TNC: variants seen among roughly 807,000 people sequenced by gnomAD.
TNC encodes the protein tenascin.
A neutral mutation model predicts 202.4 loss-of-function variants in TNC; 109 were observed. The ratio of observed to expected loss-of-function variants is 0.54; its 90% CI spans 0.46 to 0.63. The LOEUF (loss-of-function observed/expected upper bound fraction) is 0.63. TNC is among the 30% of genes least tolerant of loss of function. The probability of loss-of-function intolerance (pLI) is 0.00; values close to 1 mark genes in which losing one functional copy is unlikely to be tolerated. For missense variants in TNC, 2,756 were observed against 2,833.3 expected, an observed-to-expected ratio of 0.97 and a Z score of 0.62; for synonymous variants, 1,007 against 1,089.7, an observed-to-expected ratio of 0.92 and a Z score of 1.50.
At chr9:115,054,751 G>A (rs1172143344) in intron 15 of TNC, among the ~76,000 whole-genome samples, 1 of 152,178 alleles carries the variant, frequency 6.6e-6, no homozygotes, top group African/African-American at 2.4e-5. Flanking sequence ...CATGCTAGCT[G>A]CTTCCAGGAA....
Position 115,086,977 on chromosome 9 carries a change from A to T in TNC, c.754T>A (p.Cys252Ser). ...YAGADCSREICPVPCSEEHGT... is the reference protein window; with the variant it reads ...YAGADCSREISPVPCSEEHGT... ...TGCTCCTCACTGCAGGGCACTGGGC[A>T]GATTTCACGGCTGCAGTCAGCCCCG... Residue 252 changes from cysteine to serine, a missense_variant, in exon 3 of 28, where the codon TGC (cysteine) becomes AGC (serine). Transcript: ENST00000350763. 1 of 1,614,246 alleles carries T rather than the reference A, an allele frequency of 6.2e-7. No individual in the cohort carries two copies. The highest frequency in any genetic ancestry group is 8.5e-7 in the Non-Finnish European group (1 of 1,180,048).
rs753444558 is a variant in TNC at position 115,081,771 on chromosome 9, C to T, written c.2404+1G>A. 10 of 1,613,916 alleles carry T rather than the reference C, an allele frequency of 6.2e-6. No individual in the cohort carries two copies. Among genetic ancestry groups the T allele is most frequent in the East Asian group, 2.2e-5 (1 of 44,886 alleles). On this transcript the variant is annotated splice_donor_variant, in intron 6 of 27. Coordinates refer to ENST00000350763, the MANE Select transcript of TNC (RefSeq NM_002160.4). LOFTEE classifies it high-confidence loss of function. ...CTATAAGTATTAAAGGTGATACTCA[C>T]GTGTGGTGGTCACCCTCTTCAGGCC...
At chr9:115,047,021 GCTCT>G (rs1366003811) in intron 16 of TNC, among the ~76,000 whole-genome samples, 2 of 152,072 alleles carry the variant, frequency 1.3e-5, no homozygotes, top group African/African-American at 4.8e-5. Flanking sequence ...GTTTACATTT[GCTCT>G]CTGTCTTCCA....
intron 10 of TNC, among the ~76,000 whole-genome samples, chr9:115,068,996 C>T (rs1263807497): frequency 1.3e-5 from 2 of 152,212 alleles, no homozygotes; most frequent in Admixed American, 1.3e-4. Context: ...TCTCTTATAG[C>T]AACGTGCACC....
At chr9:115,068,811 C>T (rs191759511) in intron 10 of TNC, among the ~76,000 whole-genome samples, 1 of 152,144 alleles carries the variant, frequency 6.6e-6, no homozygotes. Context: ...TTGCCCAGCC[C>T]CTTTTCTTTT....
intron 1 of TNC, among the ~76,000 whole-genome samples, chr9:115,106,750 G>A (rs1439830953): frequency 6.6e-6 from 1 of 152,148 alleles, no homozygotes; most frequent in Non-Finnish European, 1.5e-5. Context: ...TCTAAAAAAC[G>A]TGTGGTTTCC....
chr9:115,097,215 C>T (rs1305887436), intron 1 of TNC, among the ~76,000 whole-genome samples: 1 of 152,188 alleles, frequency 6.6e-6, no homozygotes, highest in Non-Finnish European at 1.5e-5. Context: ...TTCCCTTTCT[C>T]CTCTGAACCT....
In TNC at chr9:115,036,081, T is replaced by C; in HGVS notation, c.5656+17A>G. 6.2e-7 allele frequency: 1 copy of C among 1,613,986 alleles called. No homozygotes were observed. The highest frequency in any genetic ancestry group is 8.5e-7 in the Non-Finnish European group (1 of 1,179,910). ...CACCCCAGAAGGGAGAGCTTCCAGC[T>C]CTCAGTGTCTTTGTACCTGTTGTGA... On this transcript the variant is annotated intron_variant, in intron 21 of 27. Transcript: ENST00000350763.
At chr9:115,049,615 C>A (rs141771491) in intron 15 of TNC, among the ~76,000 whole-genome samples, 1 of 151,818 alleles carries the variant, frequency 6.6e-6, no homozygotes, top group African/African-American at 2.4e-5. Flanking sequence ...GAAGGTTCAG[C>A]GTCTCTTTTC....
intron 2 of TNC, among the ~76,000 whole-genome samples, chr9:115,090,181 A>G (rs1835111577): frequency 6.6e-6 from 1 of 152,224 alleles, no homozygotes; most frequent in Non-Finnish European, 1.5e-5. Context: ...TGATGGGGCC[A>G]CAGCAGTACC....
At chr9:115,081,595 A>C (rs1428967802) in intron 6 of TNC, among the ~76,000 whole-genome samples, 177 bp downstream of exon 6, 1 of 152,198 alleles carries the variant, frequency 6.6e-6, no homozygotes, top group Non-Finnish European at 1.5e-5. Context: ...GCTGAGCCCA[A>C]ACCCAAATCA....
rs774386944 is a variant in TNC, at chr9:115,076,557, T to A, written c.2693A>T (p.Asn898Ile). The stretch of plus-strand genomic sequence containing the variant: ...ATCTGTCTGGGAAACACGTCGAAGA[T>A]TCCTGGGAGCATCGAGGCCTGTTTG... ...TFTTGLDAPRNLRRVSQTDNS... is the reference protein window; with the variant it reads ...TFTTGLDAPRILRRVSQTDNS... The change falls in exon 8 of 28, where the codon AAT becomes ATT. Residue 898 changes from asparagine (N) to isoleucine (I), a missense_variant. By Grantham distance (149) the Asn-to-Ile change is moderately radical (BLOSUM62 -3). Around this residue, in one of 2 missense-constraint regions of TNC, gnomAD observed 2,559 missense variants for 2,546.0 expected, o/e 1.01. Coordinates refer to ENST00000350763, the MANE Select transcript of TNC (RefSeq NM_002160.4). 1.9e-6 allele frequency: 3 copies of A among 1,614,082 alleles called. No homozygotes were observed. The highest frequency in any genetic ancestry group is 2.5e-6 in the Non-Finnish European group (3 of 1,180,040).
rs373428721 is a variant in TNC at position 115,030,348 on chromosome 9, G to A, written c.5978C>T (p.Thr1993Met). ...ATAAATGGTGTAGAGGCCAGAGGTC[G>A]TGTCTCCATTCAGCATTGCTTGGGA... is the stretch of plus-strand genomic sequence containing the variant. ...DCSQAMLNGD[T>M]TSGLYTIYLN... is the part of the protein sequence containing the mutation. The change falls in exon 24 of 28, where the codon ACG becomes ATG. Residue 1993 changes from threonine (T) to methionine (M), a missense_variant. Thr to Met is a moderately conservative substitution (Grantham distance 81). Coordinates refer to ENST00000350763, the MANE Select transcript of TNC (RefSeq NM_002160.4). 166 of 1,613,940 alleles carry A rather than the reference G, an allele frequency of 1.0e-4. No individual in the cohort carries two copies. The highest frequency in any genetic ancestry group is 8.2e-4 in the Middle Eastern group (5 of 6,082).
At position 115,082,794 on chromosome 9, in the gene TNC, A is replaced by G. The variant is rs758889673; in HGVS notation, c.2145T>C (p.Pro715=). The G allele has an allele frequency of 3.1e-6, 5 of 1,613,482 alleles. No homozygotes were observed. In the South Asian group the frequency reaches 5.5e-5, roughly 18 times the overall value. Residue 715 remains proline, a synonymous_variant, in exon 5 of 28, where the codon CCT becomes CCC. Transcript: ENST00000350763. ...SARVATYLPA[P]EGLKFKSIKE... ...TGATGGACTTGAATTTCAGGCCTTC[A>G]GGTGCAGGTAAGTCTGTAAGTAACA...
At chr9:115,033,809 C>G (rs926227641) in intron 22 of TNC, among the ~76,000 whole-genome samples, 1 of 152,018 alleles carries the variant, frequency 6.6e-6, no homozygotes, top group Non-Finnish European at 1.5e-5. Context: ...AACAGGTGTG[C>G]CAGAAACTTG....
At chr9:115,045,229 C>A (rs10122770) in intron 17 of TNC, among the ~76,000 whole-genome samples, 1 of 152,118 alleles carries the variant, frequency 6.6e-6, no homozygotes, top group Non-Finnish European at 1.5e-5. Flanking sequence ...CCATCTCCAG[C>A]GAATGCTATG....
Position 115,035,314 on chromosome 9 carries a change from A to T in TNC, c.5677T>A (p.Leu1893Met), listed in dbSNP as rs2131794626. The T allele has an allele frequency of 6.2e-7, 1 of 1,612,946 alleles. No individual in the cohort carries two copies. Residue 1893 changes from leucine (L) to methionine (M), a missense_variant, in exon 22 of 28, where the codon TTG becomes ATG. Physicochemically the swap from Leu to Met is conservative, Grantham distance 15. Around this residue, in one of 2 missense-constraint regions of TNC, gnomAD observed 2,559 missense variants for 2,546.0 expected, o/e 1.01. Coordinates refer to ENST00000350763, the MANE Select transcript of TNC (RefSeq NM_002160.4). ...TCCGACTGAACCTCAGTAGCAGTCAAGTCTCTTGGAGAATCGAGGTCTGGA... is the reference window on the plus strand; with the variant it reads ...TCCGACTGAACCTCAGTAGCAGTCATGTCTCTTGGAGAATCGAGGTCTGGA... ...FTTDLDSPRDLTATEVQSETA... is the reference protein window; with the variant it reads ...FTTDLDSPRDMTATEVQSETA...
intron 3 of TNC, 41 bp downstream of exon 3, chr9:115,085,823 C>T (rs747562803): frequency 6.5e-7 from 1 of 1,546,514 alleles, no homozygotes; most frequent in African/African-American, 1.4e-5. Context: ...GAGTCCACTC[C>T]ATCATGGCCA....
At chr9:115,093,561 C>G (rs1473178496) in intron 1 of TNC, among the ~76,000 whole-genome samples, 1 of 151,626 alleles carries the variant, frequency 6.6e-6, no homozygotes, top group African/African-American at 2.4e-5. Flanking sequence ...AATGGCTGCT[C>G]TAACTCTCTT....
Sources: gnomAD v4.1 joint callset for allele counts (sites outside exome capture counted in the v4.1 genomes callset) on GRCh38, gnomAD v4.1.1 for gene constraint, gnomAD v4.1.1 regional missense constraint, MANE v1.5 for transcripts, NCBI Gene and HGNC (gene_info 2026-07-23, HGNC 2026-07-21) for gene names.